OR2L13: variants seen among roughly 807,000 people sequenced by gnomAD.
The protein encoded by OR2L13 is olfactory receptor 2L13.
OR2L13 carries 14 observed loss-of-function variants against 15.3 expected under a neutral mutation model. That is an observed-to-expected ratio of 0.91 (90% CI 0.60 to 1.43). OR2L13 has a LOEUF of 1.43. Among genes scored for constraint, OR2L13 ranks in the 40% most tolerant of loss-of-function variants. The pLI is 0.00. For missense variants in OR2L13, 367 were observed against 387.9 expected, an observed-to-expected ratio of 0.95 and a Z score of 0.45; for synonymous variants, 152 against 142.9, an observed-to-expected ratio of 1.06 and a Z score of -0.45.
chr1:248,080,991 C>T, the OR2L13 span, among the ~76,000 whole-genome samples: 1 of 152,178 alleles, frequency 6.6e-6, no homozygotes, highest in Non-Finnish European at 1.5e-5. Context: ...CTGTCTCTAT[C>T]AGGTACTCCT....
chr1:247,994,906 A>G, the OR2L13 span, among the ~76,000 whole-genome samples: 1 of 152,182 alleles, frequency 6.6e-6, no homozygotes, highest in Non-Finnish European at 1.5e-5. Flanking sequence ...ACTCAATCAG[A>G]CTGACTTGAA....
the OR2L13 span, among the ~76,000 whole-genome samples, chr1:248,002,614 T>G: frequency 6.6e-6 from 1 of 152,184 alleles, no homozygotes; most frequent in Non-Finnish European, 1.5e-5. Context: ...ATCCCAGCAC[T>G]TTGGGAGGCC....
At chr1:248,024,623 A>G in the OR2L13 span, among the ~76,000 whole-genome samples, 1 of 152,098 alleles carries the variant, frequency 6.6e-6, no homozygotes, top group East Asian at 1.9e-4. Context: ...CTTTCTACAT[A>G]TGGCTAGCCA....
the OR2L13 span, among the ~76,000 whole-genome samples, chr1:248,004,706 T>G: frequency 6.6e-6 from 1 of 152,204 alleles, no homozygotes; most frequent in Non-Finnish European, 1.5e-5. Context: ...CAACAAGGAC[T>G]GGAATGTGCC....
chr1:248,037,122 T>G, the OR2L13 span, among the ~76,000 whole-genome samples: 1 of 152,154 alleles, frequency 6.6e-6, no homozygotes, highest in African/African-American at 2.4e-5. Flanking sequence ...GTGGTGGACA[T>G]TCAAAATCAA....
At chr1:248,058,518 T>C in the OR2L13 span, among the ~76,000 whole-genome samples, 1 of 152,138 alleles carries the variant, frequency 6.6e-6, no homozygotes, top group Admixed American at 6.5e-5. Context: ...TATAAACTAT[T>C]GTAAAACCTG....
the OR2L13 span, chr1:248,022,378 T>C: frequency 5.0e-6 from 8 of 1,614,180 alleles, no homozygotes; most frequent in Non-Finnish European, 6.8e-6. Context: ...GTGCTGATGA[T>C]AACAGGATCT....
At chr1:247,962,262 T>C in the OR2L13 span, among the ~76,000 whole-genome samples, 1 of 152,218 alleles carries the variant, frequency 6.6e-6, no homozygotes, top group Non-Finnish European at 1.5e-5. Flanking sequence ...GCAAAGATAT[T>C]TCCCTGGTGC....
the OR2L13 span, among the ~76,000 whole-genome samples, chr1:247,950,786 G>A: frequency 5.9e-5 from 9 of 152,130 alleles, no homozygotes; most frequent in East Asian, 1.4e-3. Flanking sequence ...AAGTGGGGAC[G>A]GTTAATGGTT....
chr1:247,972,390 A>G, the OR2L13 span, among the ~76,000 whole-genome samples: 1 of 152,180 alleles, frequency 6.6e-6, no homozygotes, highest in African/African-American at 2.4e-5. Flanking sequence ...AGAAGAAAAG[A>G]GAGAAGAATC....
the OR2L13 span, among the ~76,000 whole-genome samples, chr1:247,955,298 A>G: frequency 4.6e-5 from 7 of 152,186 alleles, no homozygotes; most frequent in East Asian, 1.4e-3. Flanking sequence ...TTATGGCTGC[A>G]TAGTATTCCA....
the OR2L13 span, among the ~76,000 whole-genome samples, chr1:248,047,589 T>G: frequency 6.6e-6 from 1 of 152,314 alleles, no homozygotes; most frequent in South Asian, 2.1e-4. Context: ...ATCCAAATTG[T>G]AGTGTTTTGT....
At chr1:247,998,865 G>T in the OR2L13 span, among the ~76,000 whole-genome samples, 1 of 152,032 alleles carries the variant, frequency 6.6e-6, no homozygotes, top group Non-Finnish European at 1.5e-5. Flanking sequence ...TGAAATAATA[G>T]AAATATCTGC....
chr1:248,071,848 G>A, the OR2L13 span, among the ~76,000 whole-genome samples: 2 of 150,754 alleles, frequency 1.3e-5, no homozygotes, highest in Non-Finnish European at 3.0e-5. Flanking sequence ...CAAACAGAGA[G>A]CCAAATCATG....
chr1:248,062,651 G>A, the OR2L13 span: 2 of 152,156 alleles, frequency 1.3e-5, no homozygotes, highest in Non-Finnish European at 2.9e-5. Context: ...AAGAGTATTT[G>A]ATAGCACAAT....
chr1:247,975,610 A>T, the OR2L13 span: 3 of 1,311,560 alleles, frequency 2.3e-6, no homozygotes, highest in Non-Finnish European at 3.3e-6. Context: ...CAGGGAGGTG[A>T]TGGGGGCCCT....
At chr1:248,088,320 T>C in the OR2L13 span, among the ~76,000 whole-genome samples, 1 of 152,184 alleles carries the variant, frequency 6.6e-6, no homozygotes, top group Non-Finnish European at 1.5e-5. Flanking sequence ...AATGCTTGGA[T>C]AGCCTATAAA....
the OR2L13 span, among the ~76,000 whole-genome samples, chr1:248,081,907 T>C: frequency 6.6e-6 from 1 of 152,124 alleles, no homozygotes; most frequent in Non-Finnish European, 1.5e-5. Flanking sequence ...CAAGCCCCTT[T>C]TGAAATTCAG....
chr1:248,058,649 A>G, the OR2L13 span, among the ~76,000 whole-genome samples: 1 of 151,494 alleles, frequency 6.6e-6, no homozygotes, highest in South Asian at 2.1e-4. Flanking sequence ...ATTTTTATAT[A>G]ATATTTTTCA....
Sources: allele counts gnomAD v4.1 joint callset (sites outside exome capture counted in the v4.1 genomes callset), GRCh38; gene constraint gnomAD v4.1.1; transcripts MANE v1.5; gene names NCBI Gene and HGNC (gene_info 2026-07-23, HGNC 2026-07-21).